Variants in DMTF1 observed in about 807,000 individuals in gnomAD.
DMTF1 encodes cyclin-D-binding Myb-like transcription factor 1.
In DMTF1, 39 loss-of-function variants were observed where a neutral mutation model predicts 91.1. The observed-to-expected ratio is 0.43, with a 90% confidence interval of 0.33 to 0.56. DMTF1 has a LOEUF of 0.56. DMTF1 is among the 20% of genes least tolerant of loss of function. The probability of loss-of-function intolerance (pLI) is 0.05; values close to 1 mark genes in which losing one functional copy is unlikely to be tolerated. For missense variants in DMTF1, 750 were observed against 914.5 expected (o/e 0.82, Z 2.32); for synonymous variants, 338 against 309.5 (o/e 1.09, Z -0.97).
intron 7 of DMTF1, among the ~76,000 whole-genome samples, chr7:87,178,773 CTT>C (rs34451577): frequency 5.3e-4 from 77 of 146,426 alleles, no homozygotes; most frequent in South Asian, 8.6e-4. Flanking sequence ...AATGTACCCA[CTT>C]TTTTTTTTTT....
At chr7:87,185,567 C>T (rs1798227664) in intron 11 of DMTF1, among the ~76,000 whole-genome samples, 1 of 152,136 alleles carries the variant, frequency 6.6e-6, no homozygotes, top group African/African-American at 2.4e-5. Flanking sequence ...CTTCACAGTG[C>T]CTCATCTGGC....
At chr7:87,183,596 AAAC>A (rs1290417991) in intron 10 of DMTF1, among the ~76,000 whole-genome samples, 1 of 152,200 alleles carries the variant, frequency 6.6e-6, no homozygotes, top group Non-Finnish European at 1.5e-5. Flanking sequence ...AAAATTCAAT[AAAC>A]ATTTGCTAGA....
At chr7:87,194,450 T>G (rs182389505) in intron 16 of DMTF1, 4 of 486,956 alleles carry the variant, frequency 8.2e-6, no homozygotes, top group African/African-American at 7.9e-5. Context: ...CAGCATTGTT[T>G]CTTCTGTTAT....
chr7:87,159,838 C>T (rs1481854544), intron 1 of DMTF1, among the ~76,000 whole-genome samples: 2 of 152,144 alleles, frequency 1.3e-5, no homozygotes, highest in African/African-American at 4.8e-5. Flanking sequence ...ATTTGTGTAT[C>T]TAAACATATC....
intron 14 of DMTF1, 51 bp from the exon 15 acceptor site, chr7:87,193,147 A>G (rs773989039): frequency 5.0e-6 from 8 of 1,594,558 alleles, no homozygotes; most frequent in African/African-American, 1.3e-5. Context: ...CCGTTTTTGT[A>G]TATAAAAGTA....
At chr7:87,184,702 T>C in intron 11 of DMTF1, 77 bp downstream of exon 11, 5 of 1,258,594 alleles carry the variant, frequency 4.0e-6, no homozygotes, top group Non-Finnish European at 5.7e-6. Flanking sequence ...CTCTTTTGGT[T>C]TTCCTGGATG....
At chr7:87,165,819 C>T (rs1338599370) in intron 3 of DMTF1, among the ~76,000 whole-genome samples, 5 of 152,150 alleles carry the variant, frequency 3.3e-5, no homozygotes, top group Non-Finnish European at 7.4e-5. Flanking sequence ...CTCTCATCAC[C>T]TGCATCATTT....
At chr7:87,179,745 G>A (rs1796945333) in intron 8 of DMTF1, 43 bp downstream of exon 8, 1 of 1,521,664 alleles carries the variant, frequency 6.6e-7, no homozygotes, top group Non-Finnish European at 8.8e-7. Flanking sequence ...GTAATTAGGG[G>A]AAATATTTGA....
chr7:87,159,501 A>G (rs1333541901), intron 1 of DMTF1, among the ~76,000 whole-genome samples: 1 of 152,182 alleles, frequency 6.6e-6, no homozygotes, highest in Non-Finnish European at 1.5e-5. Flanking sequence ...ACCCTCAGGT[A>G]TTTTTTTCTT....
chr7:87,167,122 T>A (rs540327035), intron 4 of DMTF1, among the ~76,000 whole-genome samples: 19 of 152,338 alleles, frequency 1.2e-4, no homozygotes, highest in Admixed American at 9.8e-4. Flanking sequence ...TAAGAGCATA[T>A]CTAGGCATTC....
chr7:87,181,392 C>A, intron 9 of DMTF1, 51 bp downstream of exon 9: 1 of 905,186 alleles, frequency 1.1e-6, no homozygotes, highest in Non-Finnish European at 1.7e-6. Flanking sequence ...GTCTTACGTC[C>A]TTAAAAGTTT....
At chr7:87,158,242 A>T (rs534737441) in intron 1 of DMTF1, among the ~76,000 whole-genome samples, 1 of 152,186 alleles carries the variant, frequency 6.6e-6, no homozygotes, top group East Asian at 1.9e-4. Context: ...TAAACGTTCC[A>T]ATGTACTTGG....
intron 12 of DMTF1, chr7:87,187,394 C>G (rs1798698204): frequency 6.6e-6 from 1 of 152,110 alleles, no homozygotes; most frequent in African/African-American, 2.4e-5. Context: ...ACCAATTAGC[C>G]AGGCATGGTG....
chr7:87,195,111 G>A lies in DMTF1; in HGVS notation c.2254G>A (p.Asp752Asn). Residue 752 changes from aspartate to asparagine, a missense_variant, in exon 18 of 18, where the codon GAT becomes AAT. Physicochemically the swap from Asp to Asn is conservative, Grantham distance 23. Transcript: ENST00000331242. ...LGSPVSEDSKDVEDLVNCH is the reference protein window; with the variant it reads ...LGSPVSEDSKNVEDLVNCH ...CAGTCCTGTTTCAGAAGATTCAAAGGATGTCGAAGATTTGGTAAACTGTCA... is the reference window on the plus strand; with the variant it reads ...CAGTCCTGTTTCAGAAGATTCAAAGAATGTCGAAGATTTGGTAAACTGTCA... 1.9e-6 allele frequency: 3 copies of A among 1,611,526 alleles called. No homozygotes were observed. The highest frequency in any genetic ancestry group is 2.2e-5 in the South Asian group (2 of 90,946).
At chr7:87,152,637 C>G (rs1020804133) in intron 1 of DMTF1, 82 bp downstream of exon 1, 4 of 152,834 alleles carry the variant, frequency 2.6e-5, no homozygotes, top group African/African-American at 9.6e-5. Flanking sequence ...CCTTGCTGCC[C>G]GCTAGCTCCC....
At chr7:87,165,438 T>G (rs563686092) in intron 3 of DMTF1, among the ~76,000 whole-genome samples, 1 of 152,354 alleles carries the variant, frequency 6.6e-6, no homozygotes, top group Non-Finnish European at 1.5e-5. Flanking sequence ...CTACAATGAA[T>G]TAAGATTCAA....
intron 1 of DMTF1, among the ~76,000 whole-genome samples, chr7:87,157,864 C>T (rs1247237182): frequency 6.6e-6 from 1 of 151,378 alleles, no homozygotes; most frequent in Non-Finnish European, 1.5e-5. Flanking sequence ...TTTTAAGCCA[C>T]CAGAATGGTT....
intron 12 of DMTF1, chr7:87,186,184 A>G: frequency 1.8e-6 from 1 of 549,322 alleles, no homozygotes; most frequent in Non-Finnish European, 3.2e-6. Flanking sequence ...CCTAAAATGA[A>G]AATGTACACA....
At position 87,195,743 on chromosome 7, in the gene DMTF1, A is replaced by G. The variant is rs1411238432; in HGVS notation, c.*603A>G. The stretch of plus-strand genomic sequence containing the variant: ...AGCATTAAAAGTTAAAATTCACTAC[A>G]GGTTTTTTGTTACTTTTAAAGGGAA... On this transcript the variant is annotated 3_prime_UTR_variant, in exon 18 of 18. Coordinates refer to ENST00000331242, the MANE Select transcript of DMTF1 (RefSeq NM_001142327.2). 6.6e-6 allele frequency: 1 copy of G among 152,530 alleles called. No homozygotes were observed. Among genetic ancestry groups the G allele is most frequent in the Admixed American group, 6.6e-5 (1 of 15,252 alleles). The allele number at this position is 152,530 out of a possible 1,614,324, so 9.4% of individuals were successfully genotyped here. A position where few individuals can be genotyped will look rare whatever the true frequency, so the allele number is the denominator to read the frequency against.
Sources: gnomAD v4.1 joint callset for allele counts (sites outside exome capture counted in the v4.1 genomes callset) on GRCh38, gnomAD v4.1.1 for gene constraint, MANE v1.5 for transcripts, NCBI Gene and HGNC (gene_info 2026-07-23, HGNC 2026-07-21) for gene names.